Variants in LTK observed in about 807,000 individuals in gnomAD.
LTK encodes leukocyte receptor tyrosine kinase.
In LTK, 117 loss-of-function variants were observed where a neutral mutation model predicts 101.5. That is an observed-to-expected ratio of 1.15 (90% CI 0.99 to 1.34). LTK has a LOEUF of 1.34. Among genes scored for constraint, LTK ranks in the 40% most tolerant of loss-of-function variants. The probability of loss-of-function intolerance (pLI) is 0.00; values close to 1 mark genes in which losing one functional copy is unlikely to be tolerated. For synonymous variants in LTK, 563 were observed against 494.2 expected (o/e 1.14, Z -1.85); for missense variants, 1,252 against 1,164.7 (o/e 1.07, Z -1.09).
chr15:41,505,693 G>A lies in LTK; in HGVS notation c.1697+20C>T. 5 of 1,613,420 alleles carry A rather than the reference G, an allele frequency of 3.1e-6. No individual in the cohort carries two copies. Among genetic ancestry groups the A allele is most frequent in the African/African-American group, 1.3e-5 (1 of 75,034 alleles). ...CATTCCCCTCCCGCCTTCCAGCCCT[G>A]CCCCTGGTCCCAGGTGCACCTGATG... On this transcript the variant is annotated intron_variant, in intron 13 of 19. Transcript: ENST00000263800.
At chr15:41,508,335 G>A (rs1010758252) in intron 8 of LTK, 114 bp from the exon 9 acceptor site, 27 of 843,420 alleles carry the variant, frequency 3.2e-5, no homozygotes, top group South Asian at 1.9e-4. Context: ...TTGGGAGGCC[G>A]TGGTGAGCGG....
At chr15:41,506,809 C>G (rs1055914977) in intron 11 of LTK, among the ~76,000 whole-genome samples, 1 of 152,160 alleles carries the variant, frequency 6.6e-6, no homozygotes, top group Admixed American at 6.5e-5. Context: ...AGGCTGGTCT[C>G]GAACTCCCGA....
chr15:41,512,147 C>T lies in LTK; in HGVS notation c.478G>A (p.Val160Met), dbSNP rs2051495889. The change falls in exon 4 of 20, where the codon GTG becomes ATG. Residue 160 changes from valine to methionine, a missense_variant. By Grantham distance (21) the Val-to-Met change is conservative (BLOSUM62 1). Coordinates refer to ENST00000263800, the MANE Select transcript of LTK (RefSeq NM_002344.6). ...CAGGCGTCCTCTCCCTGCTGCCCCA[C>T]CAGGATGTACAGCGACTCCCCGAGA... ...LGLGESLYIL[V>M]GQQGEDACPG... is the part of the protein sequence containing the mutation. The T allele has an allele frequency of 1.2e-6, 2 of 1,610,044 alleles. No homozygotes were observed. The highest frequency in any genetic ancestry group is 1.3e-5 in the African/African-American group (1 of 74,428).
chr15:41,506,739 C>T (rs1211556229), intron 11 of LTK, among the ~76,000 whole-genome samples: 3 of 149,816 alleles, frequency 2.0e-5, no homozygotes, highest in African/African-American at 5.1e-5. Flanking sequence ...TACAGGCATG[C>T]GCCACCATGC....
intron 11 of LTK, among the ~76,000 whole-genome samples, chr15:41,506,366 G>A (rs564683765): frequency 5.9e-5 from 9 of 152,266 alleles, no homozygotes; most frequent in African/African-American, 1.4e-4. Flanking sequence ...GTGCAATAGC[G>A]CGATCTCGGC....
chr15:41,505,679 C>A (rs185776849), intron 13 of LTK, 34 bp downstream of exon 13: 6 of 1,612,440 alleles, frequency 3.7e-6, no homozygotes, highest in Non-Finnish European at 4.2e-6. Context: ...ATTCCCCTCC[C>A]GCCTTCCAGC....
intron 8 of LTK, among the ~76,000 whole-genome samples, chr15:41,508,599 A>G (rs2051361398): frequency 6.6e-6 from 1 of 150,886 alleles, no homozygotes; most frequent in African/African-American, 2.4e-5. Context: ...AAATAAATAA[A>G]TAAATACATG....
At chr15:41,513,623 G>C (rs2051567014) in intron 1 of LTK, 44 bp downstream of exon 1, 1 of 1,596,232 alleles carries the variant, frequency 6.3e-7, no homozygotes, top group East Asian at 2.2e-5. Context: ...GCCTAGGAAA[G>C]TGCCTCAGGC....
rs745867076 is a variant in LTK, at chr15:41,513,004, C to T, written c.160G>A (p.Glu54Lys). 3 of 1,613,462 alleles carry T rather than the reference C, an allele frequency of 1.9e-6. No homozygotes were observed. Among genetic ancestry groups the T allele is most frequent in the Non-Finnish European group, 2.5e-6 (3 of 1,179,936 alleles). Residue 54 changes from glutamate to lysine, a missense_variant, in exon 2 of 20, where the codon GAG becomes AAG. Glu to Lys is a moderately conservative substitution (Grantham distance 56). Coordinates refer to ENST00000263800, the MANE Select transcript of LTK (RefSeq NM_002344.6). Reference protein sequence around the residue: ...PKVSAPPSILEPASPLNSPGT... With the variant: ...PKVSAPPSILKPASPLNSPGT... The stretch of plus-strand genomic sequence containing the variant: ...GGAGAATTCAGCGGGGAGGCTGGCT[C>T]CAAGATACTAGGCGGGGCGCTGACT...
intron 10 of LTK, 75 bp downstream of exon 10, chr15:41,507,487 A>T (rs768046788): frequency 3.8e-6 from 6 of 1,572,294 alleles, no homozygotes; most frequent in Middle Eastern, 1.7e-4. Flanking sequence ...CAGCCCCGGG[A>T]CCCCGCAGAA....
chr15:41,503,721 A>G lies in LTK; in HGVS notation c.*275T>C. 1 of 648,228 alleles carries G rather than the reference A, an allele frequency of 1.5e-6. No individual in the cohort carries two copies. Among genetic ancestry groups the G allele is most frequent in the East Asian group, 3.2e-5 (1 of 31,740 alleles). 40.2% of individuals were successfully genotyped at this position (648,228 alleles called of 1,614,324 possible). On this transcript the variant is annotated 3_prime_UTR_variant, in exon 20 of 20. Coordinates refer to ENST00000263800, the MANE Select transcript of LTK (RefSeq NM_002344.6). ...GAAGGATGCTCATAATGGGAGAGCA[A>G]TCCAGTGCTCCCCATGGACACCTGG...
rs1346745833 is a variant in LTK at position 41,505,794 on chromosome 15, C to T, written c.1633-17G>A. 8 of 1,613,206 alleles carry T rather than the reference C, an allele frequency of 5.0e-6. No individual in the cohort carries two copies. Among genetic ancestry groups the T allele is most frequent in the African/African-American group, 2.7e-5 (2 of 75,044 alleles). On this transcript the variant is annotated splice_polypyrimidine_tract_variant and intron_variant, in intron 12 of 19. Transcript: ENST00000263800. ...TGGCAGGGTCTGGGGAGGAAAAGGG[C>T]ACAGTTTCTGAGCTGCCCTGCACGC...
chr15:41,506,029 G>A (rs1035311360), intron 11 of LTK, 24 bp from the exon 12 acceptor site: 3 of 1,549,348 alleles, frequency 1.9e-6, no homozygotes, highest in East Asian at 2.2e-5. Flanking sequence ...CGTTGGAAGG[G>A]AGTGGGCAGG....
Position 41,512,819 on chromosome 15 carries a change from G to C in LTK, c.247C>G (p.Gln83Glu). The change falls in exon 3 of 20, where the codon CAG (glutamine) becomes GAG (glutamate). Residue 83 changes from glutamine to glutamate, a missense_variant. By Grantham distance (29) the Gln-to-Glu change is conservative. Coordinates refer to ENST00000263800, the MANE Select transcript of LTK (RefSeq NM_002344.6). ...CGASGRHGPT[Q>E]TQCDGAYAGT... ...GCGTACGCCCCGTCACATTGTGTCTGTGTGGGCCCATGCCGGCCGCTGGCC... is the reference window on the plus strand; with the variant it reads ...GCGTACGCCCCGTCACATTGTGTCTCTGTGGGCCCATGCCGGCCGCTGGCC... 1.2e-6 allele frequency: 2 copies of C among 1,612,664 alleles called. No individual in the cohort carries two copies. Among genetic ancestry groups the C allele is most frequent in the Middle Eastern group, 1.7e-4 (1 of 6,052 alleles).
intron 11 of LTK, 118 bp from the exon 12 acceptor site, chr15:41,506,123 C>T: frequency 1.5e-6 from 1 of 663,854 alleles, no homozygotes; most frequent in Non-Finnish European, 2.7e-6. Context: ...CCTATATAGA[C>T]TCTCTCCATA....
rs1424848826 is a variant in LTK, at chr15:41,504,981, T to C, written c.2009A>G (p.Asp670Gly). 1.9e-6 allele frequency: 3 copies of C among 1,611,618 alleles called. No individual in the cohort carries two copies. The highest frequency in any genetic ancestry group is 1.7e-4 in the Middle Eastern group (1 of 6,046). ...AKIGDFGMAR[D>G]IYRASYYRRG... is the part of the protein sequence containing the mutation. ...CTCCCAAGTCCCGCACCGGTAGATA[T>C]CTCGTGCCATCCCAAAGTCCCCAAT... is the stretch of plus-strand genomic sequence containing the variant. Residue 670 changes from aspartate to glycine, a missense_variant, in exon 16 of 20, where the codon GAT becomes GGT. Physicochemically the swap from Asp to Gly is moderately conservative, Grantham distance 94. Transcript: ENST00000263800.
rs941573166 is a variant in LTK at position 41,504,084 on chromosome 15, A to C, written c.2507T>G (p.Leu836Arg). The change falls in exon 20 of 20, where the codon CTT (leucine) becomes CGT (arginine). Residue 836 changes from leucine to arginine, a missense_variant. Transcript: ENST00000263800. ...GAGGCCAGAGGACAGCCAGGGGCCA[A>C]GAGGGCTACCTCCCCAGCTTTTCAA... ...EKLKSWGGSPLGPWLSSGLKP... is the reference protein window; with the variant it reads ...EKLKSWGGSPRGPWLSSGLKP... The C allele has an allele frequency of 1.2e-5, 20 of 1,613,928 alleles. No homozygotes were observed. Among genetic ancestry groups the C allele is most frequent in the Non-Finnish European group, 1.6e-5 (19 of 1,180,026 alleles).
chr15:41,512,000 G>A lies in LTK; in HGVS notation c.511-37C>T, dbSNP rs1332718566. ...GGGGGAGGGAATCGGCGGGGCCCGG[G>A]AGCCTCCCCTCGCTGTGCTGGTGAC... On this transcript the variant is annotated intron_variant, in intron 4 of 19. Transcript: ENST00000263800. The surrounding 1 kb of genome is among the most constrained non-coding windows in gnomAD (Gnocchi z 5.9). 2 of 1,442,420 alleles carry A rather than the reference G, an allele frequency of 1.4e-6. No homozygotes were observed. The highest frequency in any genetic ancestry group is 1.8e-6 in the Non-Finnish European group (2 of 1,105,288). 89.4% of individuals were successfully genotyped at this position (1,442,420 alleles called of 1,614,324 possible).
chr15:41,504,987 G>A lies in LTK; in HGVS notation c.2003C>T (p.Ala668Val). ...AGTCCCGCACCGGTAGATATCTCGT[G>A]CCATCCCAAAGTCCCCAATCTTGGC... Reference protein sequence around the residue: ...RVAKIGDFGMARDIYRASYYR... With the variant: ...RVAKIGDFGMVRDIYRASYYR... Residue 668 changes from alanine to valine, a missense_variant, in exon 16 of 20, where the codon GCA (alanine) becomes GTA (valine). Physicochemically the swap from Ala to Val is moderately conservative, Grantham distance 64. Transcript: ENST00000263800. 6.2e-7 allele frequency: 1 copy of A among 1,612,210 alleles called. No individual in the cohort carries two copies. The highest frequency in any genetic ancestry group is 8.5e-7 in the Non-Finnish European group (1 of 1,179,042).
Sources: allele counts gnomAD v4.1 joint callset (sites outside exome capture counted in the v4.1 genomes callset), GRCh38; gene constraint gnomAD v4.1.1; non-coding constraint Gnocchi (gnomAD v3.1); transcripts MANE v1.5; gene names NCBI Gene and HGNC (gene_info 2026-07-23, HGNC 2026-07-21).